PRKCQ: variants seen among roughly 807,000 people sequenced by gnomAD.
PRKCQ encodes the protein protein kinase C theta.
A neutral mutation model predicts 91.2 loss-of-function variants in PRKCQ; 41 were observed. The observed-to-expected ratio is 0.45, with a 90% CI of 0.35 to 0.58. The LOEUF (loss-of-function observed/expected upper bound fraction) is 0.58. Ranked by LOEUF, PRKCQ falls within the 20% of genes least tolerant of loss-of-function variation. PRKCQ has a pLI of 0.00. For synonymous variants in PRKCQ, 307 were observed against 316.9 expected (o/e 0.97, Z 0.33); for missense variants, 673 against 896.5 (o/e 0.75, Z 3.18).
chr10:6,423,425 G>A (rs971731110), downstream of PRKCQ, among the ~76,000 whole-genome samples: 2 of 152,214 alleles, frequency 1.3e-5, no homozygotes, highest in Non-Finnish European at 2.9e-5. Context: ...AGGAGACTGA[G>A]CAGACGGCAT....
intron 12 of PRKCQ, among the ~76,000 whole-genome samples, chr10:6,473,631 G>C (rs1041005363): frequency 5.8e-4 from 89 of 152,208 alleles, no homozygotes; most frequent in African/African-American, 1.9e-3. Context: ...CACGTCTTTG[G>C]AAGGATGTGG....
chr10:6,491,548 T>C (rs948385081), intron 8 of PRKCQ, 135 bp downstream of exon 8: 22 of 1,226,446 alleles, frequency 1.8e-5, no homozygotes, highest in Non-Finnish European at 2.5e-5. Context: ...CAGAAGACCA[T>C]ACTTATGATC....
intron 11 of PRKCQ, among the ~76,000 whole-genome samples, chr10:6,481,191 C>G (rs541618394): frequency 1.3e-5 from 2 of 152,308 alleles, no homozygotes; most frequent in African/African-American, 2.4e-5. Context: ...CCAGCTGCAC[C>G]TTGGGATACC....
chr10:6,564,292 T>C (rs564006885), intron 1 of PRKCQ, among the ~76,000 whole-genome samples: 1 of 152,118 alleles, frequency 6.6e-6, no homozygotes, highest in East Asian at 1.9e-4. Context: ...TCTCGGAAAC[T>C]AAACGAGGTC....
chr10:6,489,563 G>A (rs1476075061), intron 8 of PRKCQ: 1 of 467,882 alleles, frequency 2.1e-6, no homozygotes, highest in African/African-American at 2.0e-5. Context: ...CAGAGAGGGA[G>A]GGAAGAGAGC....
At chr10:6,420,718 G>T in the PRKCQ span, among the ~76,000 whole-genome samples, 2 of 152,194 alleles carry the variant, frequency 1.3e-5, no homozygotes, top group Non-Finnish European at 2.9e-5. Context: ...TCGTTCCAGT[G>T]TCTTGTAACT....
At chr10:6,553,504 A>ATT (rs58093492) in intron 1 of PRKCQ, among the ~76,000 whole-genome samples, 1 of 145,420 alleles carries the variant, frequency 6.9e-6, no homozygotes, top group Non-Finnish European at 1.5e-5. Context: ...AAAAAAAAAA[A>ATT]AAAAAAAAAA....
At chr10:6,516,654 C>T (rs958760124) in intron 1 of PRKCQ, among the ~76,000 whole-genome samples, 3 of 152,126 alleles carry the variant, frequency 2.0e-5, no homozygotes, top group African/African-American at 7.2e-5. Flanking sequence ...GGAGTTTTTG[C>T]CCTGTTGGGA....
At chr10:6,451,239 G>C (rs1329890793) in intron 15 of PRKCQ, among the ~76,000 whole-genome samples, 1 of 149,528 alleles carries the variant, frequency 6.7e-6, no homozygotes, top group African/African-American at 2.4e-5. Flanking sequence ...AAATGATAAA[G>C]GGGATATCAC....
At chr10:6,503,218 C>T (rs1313512143) in intron 4 of PRKCQ, among the ~76,000 whole-genome samples, 1 of 152,182 alleles carries the variant, frequency 6.6e-6, no homozygotes, top group Non-Finnish European at 1.5e-5. Context: ...AAGGCTAGTA[C>T]TTATTGTCTG....
rs1833832465 is a variant in PRKCQ, at chr10:6,438,969, A to T, written c.1836+2924T>A. On this transcript the variant is annotated intron_variant, in intron 16 of 17. Coordinates refer to ENST00000263125, the MANE Select transcript of PRKCQ (RefSeq NM_006257.5). ...AATATTTGCTGGGACAGCTCAGTAT[A>T]TGTAGGTCCTTATTATTCTTCTATG... is the stretch of plus-strand genomic sequence containing the variant. Among the ~76,000 whole-genome samples, 6 of 152,232 alleles carry T rather than the reference A, an allele frequency of 3.9e-5. No individual in the cohort carries two copies. The South Asian group carries it at 1.2e-3, about 32-fold the overall frequency.
At chr10:6,479,956 TA>T (rs920421017) in intron 11 of PRKCQ, among the ~76,000 whole-genome samples, 21 of 149,648 alleles carry the variant, frequency 1.4e-4, no homozygotes, top group Admixed American at 6.0e-4. Context: ...TGTCTCAAAA[TA>T]AAAAAAAATA....
Position 6,553,984 on chromosome 10 carries a change from C to A in PRKCQ, c.-10+26227G>T, listed in dbSNP as rs77105901. Reference sequence around the variant, plus strand: ...GTGCAGTGGAAACAGTAAAAAAAAACAGAGTGTCGCAGACATCAAGTCTCG... The same window carrying A: ...GTGCAGTGGAAACAGTAAAAAAAAAAAGAGTGTCGCAGACATCAAGTCTCG... On this transcript the variant is annotated intron_variant, in intron 1 of 17. Transcript: ENST00000263125. 2.8e-4 allele frequency among the ~76,000 whole-genome samples: 36 copies of A among 130,308 alleles called. No individual in the cohort carries two copies. The South Asian group carries it at 2.8e-3, about 10-fold the overall frequency. The allele number at this position is 130,308 out of a possible 152,430, so 85.5% of individuals were successfully genotyped here.
chr10:6,529,841 T>A (rs1839327588), intron 1 of PRKCQ, among the ~76,000 whole-genome samples: 1 of 152,194 alleles, frequency 6.6e-6, no homozygotes, highest in African/African-American at 2.4e-5. Context: ...AATGAATTAA[T>A]CCATGGAAAA....
chr10:6,539,183 A>G (rs1839688608), intron 1 of PRKCQ, among the ~76,000 whole-genome samples: 1 of 152,150 alleles, frequency 6.6e-6, no homozygotes, highest in South Asian at 2.1e-4. Flanking sequence ...ATTCTGCCTC[A>G]CTATATTTTC....
chr10:6,485,137 G>T lies in PRKCQ; in HGVS notation c.1018+15C>A. 1 of 1,601,438 alleles carries T rather than the reference G, an allele frequency of 6.2e-7. No individual in the cohort carries two copies. The highest frequency in any genetic ancestry group is 1.1e-5 in the South Asian group (1 of 90,674). On this transcript the variant is annotated intron_variant, in intron 10 of 17. Coordinates refer to ENST00000263125, the MANE Select transcript of PRKCQ (RefSeq NM_006257.5). Reference sequence around the variant, plus strand: ...AATGACTGACAGTGATTAGACTGCTGATCAGGACAGCTACCTCTTTTTCCC... The same window carrying T: ...AATGACTGACAGTGATTAGACTGCTTATCAGGACAGCTACCTCTTTTTCCC...
chr10:6,513,168 G>A (rs762024234), intron 2 of PRKCQ, among the ~76,000 whole-genome samples: 14 of 152,108 alleles, frequency 9.2e-5, no homozygotes, highest in African/African-American at 1.2e-4. Flanking sequence ...CCGCAGCCCC[G>A]TAGCCTGTTT....
intron 12 of PRKCQ, among the ~76,000 whole-genome samples, chr10:6,471,860 G>A (rs1835988596): frequency 6.6e-6 from 1 of 152,332 alleles, no homozygotes; most frequent in East Asian, 1.9e-4. Context: ...TGAAGGAGAT[G>A]TCAAATGCTC....
At chr10:6,456,538 T>G (rs1301302442) in intron 15 of PRKCQ, 136 bp downstream of exon 15, 10 of 1,178,716 alleles carry the variant, frequency 8.5e-6, no homozygotes, top group Non-Finnish European at 1.2e-5. Context: ...ATGGTGGCGT[T>G]TATGAGATAC....
Sources: allele counts gnomAD v4.1 joint callset (sites outside exome capture counted in the v4.1 genomes callset), GRCh38; gene constraint gnomAD v4.1.1; transcripts MANE v1.5; gene names NCBI Gene and HGNC (gene_info 2026-07-23, HGNC 2026-07-21).